P3H2: variants seen among roughly 807,000 people sequenced by gnomAD.
P3H2 encodes the protein prolyl 3-hydroxylase 2, also known as leprecan-like 1.
Under a neutral mutation model 87.0 loss-of-function variants are expected in P3H2, and 80 were observed. The ratio of observed to expected loss-of-function variants is 0.92; its 90% CI spans 0.77 to 1.11. The LOEUF (loss-of-function observed/expected upper bound fraction) is 1.11. Ranked by LOEUF, P3H2 falls within the 50% of genes least tolerant of loss-of-function variation. The pLI, the probability that P3H2 is intolerant of heterozygous loss-of-function variation, is 0.00. For missense variants in P3H2, 1,001 were observed against 923.9 expected, an observed-to-expected ratio of 1.08 and a Z score of -1.08; for synonymous variants, 367 against 359.3, an observed-to-expected ratio of 1.02 and a Z score of -0.24.
At chr3:189,978,059 T>C (rs889377370) in intron 8 of P3H2, among the ~76,000 whole-genome samples, 3 of 152,206 alleles carry the variant, frequency 2.0e-5, no homozygotes, top group Admixed American at 6.5e-5. Flanking sequence ...GTATATTCCA[T>C]TCCAATTTAG....
chr3:190,072,555 T>TA (rs1467416907), intron 1 of P3H2, among the ~76,000 whole-genome samples: 3 of 152,184 alleles, frequency 2.0e-5, no homozygotes, highest in African/African-American at 7.2e-5. Flanking sequence ...TTAAAAATTT[T>TA]AAAAAACTAA....
chr3:190,000,866 A>G (rs763327901), intron 1 of P3H2, among the ~76,000 whole-genome samples: 24 of 152,264 alleles, frequency 1.6e-4, no homozygotes, highest in Non-Finnish European at 3.1e-4. Context: ...GGATATAATC[A>G]GATCTGATAC....
At chr3:190,068,177 T>C (rs1281222110) in intron 1 of P3H2, among the ~76,000 whole-genome samples, 1 of 152,184 alleles carries the variant, frequency 6.6e-6, no homozygotes, top group East Asian at 1.9e-4. Flanking sequence ...AAATCACTTA[T>C]AATTTTCTCC....
At chr3:189,964,234 T>C (rs111388236) in intron 13 of P3H2, 136 bp from the exon 14 acceptor site, 6 of 815,286 alleles carry the variant, frequency 7.4e-6, no homozygotes, top group Middle Eastern at 6.7e-4. Context: ...TTGAAGATGA[T>C]GTAAATTATC....
intron 1 of P3H2, among the ~76,000 whole-genome samples, chr3:190,022,390 T>C (rs1054438662): frequency 7.4e-6 from 1 of 135,350 alleles, no homozygotes; most frequent in African/African-American, 2.6e-5. Context: ...CAGCCCAAAG[T>C]GGCTTTGCTT....
intron 1 of P3H2, among the ~76,000 whole-genome samples, chr3:190,057,442 A>G (rs956722951): frequency 6.6e-6 from 1 of 152,174 alleles, no homozygotes; most frequent in African/African-American, 2.4e-5. Context: ...CATGTCTGGA[A>G]TGAAATTCTC....
At chr3:189,995,551 C>A (rs889180450) in intron 1 of P3H2, 109 bp from the exon 2 acceptor site, 3 of 930,784 alleles carry the variant, frequency 3.2e-6, no homozygotes, top group African/African-American at 4.9e-5. Context: ...AAACTAGGAG[C>A]CTTGGTTTTT....
intron 1 of P3H2, among the ~76,000 whole-genome samples, chr3:190,056,667 CAG>C (rs1470013945): frequency 6.6e-6 from 1 of 152,090 alleles, no homozygotes; most frequent in East Asian, 1.9e-4. Context: ...ATAGAAATGA[CAG>C]AGACTTTGGT....
At chr3:190,025,386 G>A (rs1294361885) in intron 1 of P3H2, among the ~76,000 whole-genome samples, 2 of 152,098 alleles carry the variant, frequency 1.3e-5, no homozygotes, top group Non-Finnish European at 2.9e-5. Context: ...GTAGCATGGT[G>A]AGTTAGTCAA....
At chr3:190,011,292 A>AGTTTCAT (rs1381249395) in intron 1 of P3H2, among the ~76,000 whole-genome samples, 1 of 150,744 alleles carries the variant, frequency 6.6e-6, no homozygotes, top group Non-Finnish European at 1.5e-5. Context: ...AAAAAAATAG[A>AGTTTCAT]GTTTCATGCA....
intron 1 of P3H2, among the ~76,000 whole-genome samples, chr3:190,106,214 G>T (rs905057289): frequency 4.6e-5 from 7 of 152,148 alleles, no homozygotes; most frequent in Non-Finnish European, 4.4e-5. Context: ...ATCAGAGAAT[G>T]GGAGAATTTA....
chr3:190,017,870 A>G (rs1293303289), intron 1 of P3H2, among the ~76,000 whole-genome samples: 1 of 152,248 alleles, frequency 6.6e-6, no homozygotes, highest in Non-Finnish European at 1.5e-5. Flanking sequence ...GAGGGCAGAA[A>G]AGTGCTTCAA....
At chr3:189,994,417 G>A (rs985916686) in intron 2 of P3H2, 134 bp from the exon 3 acceptor site, 22 of 701,116 alleles carry the variant, frequency 3.1e-5, no homozygotes, top group Non-Finnish European at 4.8e-5. Context: ...CTTCTGCTGC[G>A]GAGGGATAAA....
At chr3:190,040,595 G>T (rs1221175111) in intron 1 of P3H2, among the ~76,000 whole-genome samples, 1 of 152,240 alleles carries the variant, frequency 6.6e-6, no homozygotes, top group Non-Finnish European at 1.5e-5. Flanking sequence ...ATAGACAGTA[G>T]TGTTTTTCCA....
chr3:190,025,543 G>T (rs1042860399), intron 1 of P3H2, among the ~76,000 whole-genome samples: 2 of 152,070 alleles, frequency 1.3e-5, no homozygotes, highest in African/African-American at 4.8e-5. Context: ...ACCTGTGAGG[G>T]TTATGATGCG....
Position 189,974,537 on chromosome 3 carries a change from C to T in P3H2, c.1452+21G>A, listed in dbSNP as rs186680786. 1.2e-5 allele frequency: 19 copies of T among 1,612,872 alleles called. No individual in the cohort carries two copies. In the Admixed American group the frequency reaches 2.8e-4, roughly 24 times the overall value. On this transcript the variant is annotated intron_variant, in intron 9 of 14. Coordinates refer to ENST00000319332, the MANE Select transcript of P3H2 (RefSeq NM_018192.4). ...TTGGCAGGCCAGCGCAGTGAGCTCC[C>T]CTCCTTCTCCGGATCCTCACACTGG...
Position 190,074,242 on chromosome 3 carries a change from G to T in P3H2, c.480+46010C>A, listed in dbSNP as rs1487006835. ...CTATGATTCTTGGCCAGGTGCGGTGGCTCATGCCTGTAATCCCAGCACTTC... is the reference window on the plus strand; with the variant it reads ...CTATGATTCTTGGCCAGGTGCGGTGTCTCATGCCTGTAATCCCAGCACTTC... On this transcript the variant is annotated intron_variant, in intron 1 of 14. Coordinates refer to ENST00000319332, the MANE Select transcript of P3H2 (RefSeq NM_018192.4). Among the ~76,000 whole-genome samples, 3 of 152,150 alleles carry T rather than the reference G, an allele frequency of 2.0e-5. No individual in the cohort carries two copies. The East Asian group carries it at 5.8e-4, about 29-fold the overall frequency.
At chr3:190,031,637 GA>G (rs11405730) in intron 1 of P3H2, among the ~76,000 whole-genome samples, 2 of 148,960 alleles carry the variant, frequency 1.3e-5, no homozygotes, top group Admixed American at 6.7e-5. Context: ...ACTCCATGTC[GA>G]AAAAAAAAAG....
intron 1 of P3H2, among the ~76,000 whole-genome samples, chr3:190,006,813 A>G (rs1489189745): frequency 6.6e-6 from 1 of 152,176 alleles, no homozygotes; most frequent in Non-Finnish European, 1.5e-5. Context: ...TATTTATAAG[A>G]TAGTGTTTTG....
Sources: allele counts gnomAD v4.1 joint callset (sites outside exome capture counted in the v4.1 genomes callset), GRCh38; gene constraint gnomAD v4.1.1; transcripts MANE v1.5; gene names NCBI Gene and HGNC (gene_info 2026-07-23, HGNC 2026-07-21).